UGGT1: variants seen among roughly 807,000 people sequenced by gnomAD.
UGGT1 encodes the protein UDP-glucose:glycoprotein glucosyltransferase 1.
Under a neutral mutation model 203.9 loss-of-function variants are expected in UGGT1, and 107 were observed. That is an observed-to-expected ratio of 0.52 (90% CI 0.45 to 0.62). The LOEUF is 0.62. Among genes scored for constraint, UGGT1 ranks in the 20% least tolerant of loss-of-function variants. The pLI is 0.00. For synonymous variants in UGGT1, 628 were observed against 653.5 expected (o/e 0.96, Z 0.59); for missense variants, 1,673 against 1,867.2 (o/e 0.90, Z 1.92).
intron 2 of UGGT1, among the ~76,000 whole-genome samples, chr2:128,101,866 G>C (rs553670134): frequency 1.3e-5 from 2 of 152,282 alleles, no homozygotes; most frequent in African/African-American, 4.8e-5. Flanking sequence ...GGAAATCTAA[G>C]AAAACAAGTT....
chr2:128,189,890 C>T lies in UGGT1; in HGVS notation c.*148C>T. On this transcript the variant is annotated 3_prime_UTR_variant, in exon 41 of 41. Coordinates refer to ENST00000259253, the MANE Select transcript of UGGT1 (RefSeq NM_020120.4). ...GATTCTGAGCATTTGATTCTGACTT[C>T]TGTACTCTGGTGGCCACTGGATCTT... is the stretch of plus-strand genomic sequence containing the variant. 4.8e-6 allele frequency: 4 copies of T among 839,750 alleles called. No individual in the cohort carries two copies. The South Asian group carries it at 7.3e-5, about 15-fold the overall frequency. The allele number at this position is 839,750 out of a possible 1,614,324, so 52.0% of individuals were successfully genotyped here. A position where few individuals can be genotyped will look rare whatever the true frequency, so the allele number is the denominator to read the frequency against.
chr2:128,114,739 T>G (rs989095126), intron 6 of UGGT1, among the ~76,000 whole-genome samples: 2 of 152,216 alleles, frequency 1.3e-5, no homozygotes, highest in African/African-American at 2.4e-5. Context: ...CATAGCACTT[T>G]CAGCTGTCCA....
At chr2:128,128,284 T>G (rs187675805) in intron 12 of UGGT1, among the ~76,000 whole-genome samples, 1 of 151,062 alleles carries the variant, frequency 6.6e-6, no homozygotes, top group African/African-American at 2.4e-5. Context: ...GAAATTTTTT[T>G]AATCACATCT....
At chr2:128,167,789 GT>G (rs1034503055) in intron 26 of UGGT1, among the ~76,000 whole-genome samples, 2 of 151,560 alleles carry the variant, frequency 1.3e-5, no homozygotes, top group African/African-American at 4.9e-5. Context: ...CTCTTTCCTT[GT>G]TTTTTTTCGA....
chr2:128,134,428 A>C (rs1344222353), intron 14 of UGGT1, among the ~76,000 whole-genome samples: 2 of 152,210 alleles, frequency 1.3e-5, no homozygotes, highest in Admixed American at 1.3e-4. Flanking sequence ...ATTAAGCGAG[A>C]GAATACGTCT....
At chr2:128,120,636 A>G (rs998051013) in intron 9 of UGGT1, among the ~76,000 whole-genome samples, 180 bp downstream of exon 9, 1 of 152,202 alleles carries the variant, frequency 6.6e-6, no homozygotes, top group Non-Finnish European at 1.5e-5. Context: ...TTGTAAACAG[A>G]TAACACTAGG....
At chr2:128,129,550 C>T (rs986396195) in intron 13 of UGGT1, among the ~76,000 whole-genome samples, 7 of 151,982 alleles carry the variant, frequency 4.6e-5, no homozygotes, top group Non-Finnish European at 1.0e-4. Flanking sequence ...AGGAGCCTGC[C>T]ACCACGCCTG....
At chr2:128,166,178 C>T (rs1690780656) in intron 26 of UGGT1, among the ~76,000 whole-genome samples, 1 of 152,210 alleles carries the variant, frequency 6.6e-6, no homozygotes, top group Admixed American at 6.5e-5. Context: ...CTTAGATTCA[C>T]CAGTTGTTGG....
intron 10 of UGGT1, among the ~76,000 whole-genome samples, chr2:128,121,686 C>T (rs1388371979): frequency 2.6e-5 from 4 of 152,080 alleles, no homozygotes; most frequent in African/African-American, 9.7e-5. Flanking sequence ...AGATTACAGG[C>T]GTGAGCCACC....
chr2:128,103,212 T>C lies in UGGT1; in HGVS notation c.195-720T>C, dbSNP rs1463717045. ...AAAGATCACCACTGCATTAGTATTA[T>C]GGCTCAGAGGAGAAGATAAGCAATT... On this transcript the variant is annotated intron_variant, in intron 2 of 40. Transcript: ENST00000259253. The C allele has an allele frequency of 3.0e-5, 13 of 433,218 alleles. 1 individual carries two copies. Among genetic ancestry groups the C allele is most frequent in the Middle Eastern group, 3.4e-4 (1 of 2,940 alleles). 26.8% of individuals were successfully genotyped at this position (433,218 alleles called of 1,614,324 possible). A position where few individuals can be genotyped will look rare whatever the true frequency, so the allele number is the denominator to read the frequency against.
intron 18 of UGGT1, 72 bp downstream of exon 18, chr2:128,146,039 G>C: frequency 6.4e-7 from 1 of 1,569,756 alleles, no homozygotes; most frequent in South Asian, 1.1e-5. Flanking sequence ...TCTATAGTAG[G>C]CAGTAAAATT....
Position 128,160,463 on chromosome 2 carries a change from A to G in UGGT1, c.2566A>G (p.Met856Val). Residue 856 changes from methionine (M) to valine (V), a missense_variant, in exon 24 of 41, where the codon ATG (methionine) becomes GTG (valine). Physicochemically the swap from Met to Val is conservative, Grantham distance 21. Coordinates refer to ENST00000259253, the MANE Select transcript of UGGT1 (RefSeq NM_020120.4). ...ADIAEFSVGG[M>V]DFSLFKEVFE... is the part of the protein sequence containing the mutation. ...TTAATAATGATTACTTTCCTAGGGA[A>G]TGGATTTCAGTCTTTTTAAAGAGGT... The G allele has an allele frequency of 6.3e-7, 1 of 1,597,974 alleles. No individual in the cohort carries two copies. The highest frequency in any genetic ancestry group is 8.5e-7 in the Non-Finnish European group (1 of 1,174,388).
chr2:128,103,202 A>G (rs1687459384), intron 2 of UGGT1: 4 of 447,206 alleles, frequency 8.9e-6, no homozygotes, highest in South Asian at 6.7e-5. Flanking sequence ...TCACCACTGC[A>G]TTAGTATTAT....
intron 23 of UGGT1, 143 bp from the exon 24 acceptor site, chr2:128,160,317 A>T: frequency 1.2e-6 from 1 of 818,792 alleles, no homozygotes; most frequent in South Asian, 2.2e-5. Context: ...AGACTGGAGA[A>T]TTGACACATC....
At chr2:128,187,003 G>A (rs566450599) in intron 39 of UGGT1, among the ~76,000 whole-genome samples, 1 of 151,946 alleles carries the variant, frequency 6.6e-6, no homozygotes, top group Non-Finnish European at 1.5e-5. Context: ...AATTAGTATC[G>A]TTTGTTGTAT....
At chr2:128,162,898 C>T (rs1690596422) in intron 25 of UGGT1, among the ~76,000 whole-genome samples, 1 of 152,132 alleles carries the variant, frequency 6.6e-6, no homozygotes, top group African/African-American at 2.4e-5. Context: ...GTCATGGGGC[C>T]AAAAGACTAA....
chr2:128,156,628 G>A (rs755239957), intron 21 of UGGT1, among the ~76,000 whole-genome samples: 1 of 150,562 alleles, frequency 6.6e-6, no homozygotes, highest in Non-Finnish European at 1.5e-5. Context: ...CATGATCTCG[G>A]CTCACTGCAA....
chr2:128,178,882 G>A (rs936515099), intron 34 of UGGT1, among the ~76,000 whole-genome samples: 2 of 152,198 alleles, frequency 1.3e-5, no homozygotes, highest in Non-Finnish European at 2.9e-5. Flanking sequence ...GGTTGACATA[G>A]AGAATAGAAT....
intron 4 of UGGT1, among the ~76,000 whole-genome samples, chr2:128,108,938 C>T (rs1269417240): frequency 6.6e-6 from 1 of 152,050 alleles, no homozygotes; most frequent in Non-Finnish European, 1.5e-5. Flanking sequence ...GTGACACAGT[C>T]TCGCCCTGTC....
Sources: gnomAD v4.1 joint callset for allele counts (sites outside exome capture counted in the v4.1 genomes callset) on GRCh38, gnomAD v4.1.1 for gene constraint, MANE v1.5 for transcripts, NCBI Gene and HGNC (gene_info 2026-07-23, HGNC 2026-07-21) for gene names.